ENOX1: variants seen among roughly 807,000 people sequenced by gnomAD.
ENOX1 encodes ecto-NOX disulfide-thiol exchanger 1.
In ENOX1, 42 loss-of-function variants were observed where a neutral mutation model predicts 82.5. That is an observed-to-expected ratio of 0.51 (90% CI 0.40 to 0.66). The LOEUF (loss-of-function observed/expected upper bound fraction) is 0.66. Ranked by LOEUF, ENOX1 falls within the 30% of genes least tolerant of loss-of-function variation. The probability of loss-of-function intolerance (pLI) is 0.00; values close to 1 mark genes in which losing one functional copy is unlikely to be tolerated. For missense variants in ENOX1, 608 were observed against 811.6 expected, an observed-to-expected ratio of 0.75 and a Z score of 3.05; for synonymous variants, 271 against 282.2, an observed-to-expected ratio of 0.96 and a Z score of 0.40.
At chr13:43,633,674 T>C (rs928870103) in intron 2 of ENOX1, among the ~76,000 whole-genome samples, 1 of 121,058 alleles carries the variant, frequency 8.3e-6, no homozygotes. Context: ...CTATTTACAT[T>C]TTAAAATGTG....
chr13:43,719,486 T>A (rs905423289), intron 1 of ENOX1, among the ~76,000 whole-genome samples: 8 of 151,886 alleles, frequency 5.3e-5, no homozygotes, highest in African/African-American at 1.9e-4. Flanking sequence ...ATCATCTACA[T>A]CCCAGTGGTC....
intron 7 of ENOX1, among the ~76,000 whole-genome samples, chr13:43,358,584 C>T (rs932120844): frequency 6.6e-6 from 1 of 152,186 alleles, no homozygotes; most frequent in African/African-American, 2.4e-5. Context: ...TCTTTATCAT[C>T]ATCAGGATAT....
At chr13:43,596,148 C>A (rs191439741) in intron 2 of ENOX1, among the ~76,000 whole-genome samples, 1 of 152,166 alleles carries the variant, frequency 6.6e-6, no homozygotes, top group Non-Finnish European at 1.5e-5. Context: ...AAAAAAATGA[C>A]ATTATACATT....
At chr13:43,498,803 G>A (rs1363099396) in intron 2 of ENOX1, among the ~76,000 whole-genome samples, 4 of 152,124 alleles carry the variant, frequency 2.6e-5, no homozygotes, top group African/African-American at 9.6e-5. Flanking sequence ...AATTACTATG[G>A]TGGCTTTTAA....
At chr13:43,477,027 T>C (rs937182573) in intron 3 of ENOX1, among the ~76,000 whole-genome samples, 13 of 146,504 alleles carry the variant, frequency 8.9e-5, no homozygotes, top group African/African-American at 2.8e-4. Flanking sequence ...GATCTCCATA[T>C]ATTAAGAGAG....
intron 1 of ENOX1, among the ~76,000 whole-genome samples, chr13:43,739,187 T>C (rs2089775698): frequency 6.6e-6 from 1 of 152,200 alleles, no homozygotes; most frequent in Non-Finnish European, 1.5e-5. Flanking sequence ...ACTGGGGACA[T>C]ACTGGTGAAC....
chr13:43,533,904 T>C (rs1438604464), intron 2 of ENOX1, among the ~76,000 whole-genome samples: 2 of 152,098 alleles, frequency 1.3e-5, no homozygotes, highest in Non-Finnish European at 2.9e-5. Context: ...CAGGATATCC[T>C]TGCCAGAATG....
chr13:43,521,132 A>C (rs1178940699), intron 2 of ENOX1, among the ~76,000 whole-genome samples: 2 of 152,150 alleles, frequency 1.3e-5, no homozygotes, highest in Non-Finnish European at 1.5e-5. Flanking sequence ...GAAAAAGTAA[A>C]CTTAACTTTT....
At chr13:43,608,645 T>C (rs1290287918) in intron 2 of ENOX1, among the ~76,000 whole-genome samples, 2 of 152,116 alleles carry the variant, frequency 1.3e-5, no homozygotes, top group African/African-American at 4.8e-5. Flanking sequence ...CATCTCAAAT[T>C]GGGTGGATGA....
At chr13:43,311,518 G>T (rs1473449769) in intron 11 of ENOX1, among the ~76,000 whole-genome samples, 1 of 152,122 alleles carries the variant, frequency 6.6e-6, no homozygotes, top group Non-Finnish European at 1.5e-5. Flanking sequence ...TCAAGTTTAT[G>T]CTCTCACACT....
rs749038718 is a variant in ENOX1 at position 43,265,485 on chromosome 13, C to CA, written c.1555-32dup. 23 of 1,585,976 alleles carry CA rather than the reference C, an allele frequency of 1.5e-5. No individual in the cohort carries two copies. The African/African-American group carries it at 2.0e-4, about 14-fold the overall frequency. On this transcript the variant is annotated intron_variant, in intron 13 of 16. Coordinates refer to ENST00000690772, the MANE Select transcript of ENOX1 (RefSeq NM_001347969.2). Reference sequence around the variant, plus strand: ...AATTTTAAGGAAAAACAACACAAAACAAAAAAATGAATAAGCAAGCAAATC... The same window carrying CA: ...AATTTTAAGGAAAAACAACACAAAACAAAAAAAATGAATAAGCAAGCAAATC...
intron 1 of ENOX1, among the ~76,000 whole-genome samples, chr13:43,708,701 C>A (rs1292380322): frequency 6.6e-6 from 1 of 152,132 alleles, no homozygotes; most frequent in East Asian, 1.9e-4. Context: ...AAATGTAAAT[C>A]TGTAATGAAT....
chr13:43,551,185 T>A (rs1251290801), intron 2 of ENOX1, among the ~76,000 whole-genome samples: 1 of 152,224 alleles, frequency 6.6e-6, no homozygotes, highest in Non-Finnish European at 1.5e-5. Flanking sequence ...AAGTATAGCA[T>A]ACCTAACACA....
intron 12 of ENOX1, 25 bp from the exon 13 acceptor site, chr13:43,269,602 A>C: frequency 6.4e-7 from 1 of 1,567,114 alleles, no homozygotes; most frequent in Non-Finnish European, 8.8e-7. Flanking sequence ...GATATTTAGC[A>C]TAAGTAGGAT....
intron 2 of ENOX1, among the ~76,000 whole-genome samples, chr13:43,582,189 C>T (rs1281245480): frequency 1.3e-5 from 2 of 151,826 alleles, no homozygotes; most frequent in East Asian, 3.8e-4. Flanking sequence ...TTAAACTTCC[C>T]TCATAATTTT....
chr13:43,441,436 G>A (rs549043517), intron 3 of ENOX1, among the ~76,000 whole-genome samples: 85 of 152,208 alleles, frequency 5.6e-4, no homozygotes, highest in African/African-American at 2.0e-3. Flanking sequence ...CCATTGTTCA[G>A]ACAGGAAAAA....
At chr13:43,272,794 T>C (rs2044763167) in intron 12 of ENOX1, among the ~76,000 whole-genome samples, 1 of 152,142 alleles carries the variant, frequency 6.6e-6, no homozygotes, top group Non-Finnish European at 1.5e-5. Context: ...TCACAGGTAA[T>C]TATTCTAATG....
In ENOX1 at chr13:43,361,393, T is replaced by C; in HGVS notation, c.268A>G (p.Ile90Val). 3 of 1,613,482 alleles carry C rather than the reference T, an allele frequency of 1.9e-6. No homozygotes were observed. Among genetic ancestry groups the C allele is most frequent in the Middle Eastern group, 1.7e-4 (1 of 6,058 alleles). ...CCAAGGCCTGGTATCATTGGGTTAA[T>C]GGGGGTGATTCCAGTCATCATGTTG... ...SLNMMTGITP[I>V]NPMIPGLGLV... Residue 90 changes from isoleucine (I) to valine (V), a missense_variant, in exon 6 of 17, where the codon ATT (isoleucine) becomes GTT (valine). Physicochemically the swap from Ile to Val is conservative, Grantham distance 29. Transcript: ENST00000690772.
At chr13:43,775,576 A>G (rs1007000085) in intron 1 of ENOX1, among the ~76,000 whole-genome samples, 1 of 152,212 alleles carries the variant, frequency 6.6e-6, no homozygotes, top group Admixed American at 6.5e-5. Context: ...TACAATGCCT[A>G]AACTGCTCCT....
Sources: allele counts gnomAD v4.1 joint callset (sites outside exome capture counted in the v4.1 genomes callset), GRCh38; gene constraint gnomAD v4.1.1; transcripts MANE v1.5; gene names NCBI Gene and HGNC (gene_info 2026-07-23, HGNC 2026-07-21).